KCNJ12: variants seen among roughly 807,000 people sequenced by gnomAD.
The protein encoded by KCNJ12 is potassium inwardly rectifying channel subfamily J member 12, also known as ATP-sensitive inward rectifier potassium channel 12.
Under a neutral mutation model 22.3 loss-of-function variants are expected in KCNJ12, and 2 were observed. The ratio of observed to expected loss-of-function variants is 0.09; its 90% CI spans 0.04 to 0.28. The LOEUF (loss-of-function observed/expected upper bound fraction) is 0.28. KCNJ12 is among the 10% of genes least tolerant of loss of function. The pLI is 1.00. For missense variants in KCNJ12, 155 were observed against 633.3 expected, an observed-to-expected ratio of 0.24 and a Z score of 8.11; for synonymous variants, 117 against 261.4, an observed-to-expected ratio of 0.45 and a Z score of 5.33.
chr17:21,380,671 G>C lies in KCNJ12; in HGVS notation c.-179+3758G>C, dbSNP rs1472439527. On this transcript the variant is annotated intron_variant, in intron 1 of 2. Transcript: ENST00000583088. ...GTGGAGAGGGGGATCTGGGAAGGAG[G>C]GGGTGTGAGCATTTGTGGAGCCAGA... Among the ~76,000 whole-genome samples, 8 of 152,120 alleles carry C rather than the reference G, an allele frequency of 5.3e-5. No homozygotes were observed. In the South Asian group the frequency reaches 1.4e-3, roughly 28 times the overall value.
At chr17:21,397,205 G>A (rs535829698) in intron 1 of KCNJ12, among the ~76,000 whole-genome samples, 2 of 152,306 alleles carry the variant, frequency 1.3e-5, no homozygotes, top group South Asian at 2.1e-4. Context: ...TTCCTCATCC[G>A]TCCAATGGGG....
intron 1 of KCNJ12, among the ~76,000 whole-genome samples, chr17:21,378,596 G>A (rs556149666): frequency 6.6e-6 from 1 of 152,242 alleles, no homozygotes; most frequent in East Asian, 1.9e-4. Flanking sequence ...AGTGTGCTGG[G>A]CCACAGGGAC....
intron 2 of KCNJ12, among the ~76,000 whole-genome samples, chr17:21,412,697 G>A (rs1474649294): frequency 1.3e-5 from 2 of 152,312 alleles, no homozygotes; most frequent in Non-Finnish European, 2.9e-5. Context: ...TTCCGGCCCT[G>A]CGTCCCAGCT....
intron 2 of KCNJ12, 91 bp downstream of exon 2, chr17:21,408,731 A>G (rs2142070889): frequency 6.6e-6 from 1 of 152,014 alleles, no homozygotes; most frequent in Non-Finnish European, 1.5e-5. Context: ...TCCACCCACC[A>G]TGCCATCCTT....
chr17:21,382,929 G>T (rs904453462), intron 1 of KCNJ12, among the ~76,000 whole-genome samples: 4 of 152,238 alleles, frequency 2.6e-5, no homozygotes, highest in Admixed American at 6.5e-5. Flanking sequence ...CACCTCCACT[G>T]TGGGAGCGGG....
intron 1 of KCNJ12, among the ~76,000 whole-genome samples, chr17:21,390,252 C>G (rs552816004): frequency 1.3e-5 from 2 of 152,224 alleles, no homozygotes; most frequent in Non-Finnish European, 2.9e-5. Flanking sequence ...TCAAGGCTCC[C>G]TCCCTCCGCT....
intron 1 of KCNJ12, among the ~76,000 whole-genome samples, chr17:21,395,734 G>A (rs1340834534): frequency 6.6e-6 from 1 of 152,180 alleles, no homozygotes; most frequent in African/African-American, 2.4e-5. Context: ...TTGCCCCCAT[G>A]TTACAGATAG....
In KCNJ12 at chr17:21,385,941, A is replaced by C. The variant is rs530746898; in HGVS notation, c.-179+9028A>C. Among the ~76,000 whole-genome samples the C allele has an allele frequency of 2.6e-5, 4 of 152,352 alleles. No individual in the cohort carries two copies. In the East Asian group the frequency reaches 7.7e-4, roughly 29 times the overall value. On this transcript the variant is annotated intron_variant, in intron 1 of 2. Transcript: ENST00000583088. ...AACACTAGAGAAAGTGGGTTGGGCA[A>C]ACCCACACGCCTACCATTGCATCTG...
intron 1 of KCNJ12, among the ~76,000 whole-genome samples, chr17:21,393,800 C>T (rs921353365): frequency 2.0e-5 from 3 of 152,242 alleles, no homozygotes; most frequent in African/African-American, 7.2e-5. Context: ...AGGCCTTCAC[C>T]GCCCGCCTCC....
chr17:21,404,081 C>T (rs549944383), intron 1 of KCNJ12, among the ~76,000 whole-genome samples: 2 of 152,320 alleles, frequency 1.3e-5, no homozygotes, highest in East Asian at 3.9e-4. Flanking sequence ...CAAGGCTGTG[C>T]CCATCTCTTC....
chr17:21,382,045 A>G (rs1419039305), intron 1 of KCNJ12, among the ~76,000 whole-genome samples: 1 of 152,242 alleles, frequency 6.6e-6, no homozygotes, highest in Non-Finnish European at 1.5e-5. Context: ...GTTGGTGGAC[A>G]GAGCTGGATT....
At chr17:21,394,012 A>C (rs1905271841) in intron 1 of KCNJ12, among the ~76,000 whole-genome samples, 1 of 152,162 alleles carries the variant, frequency 6.6e-6, no homozygotes, top group Non-Finnish European at 1.5e-5. Context: ...TTGGAGTAAT[A>C]AGGGGTTTGG....
Position 21,411,628 on chromosome 17 carries a change from T to C in KCNJ12, c.-57+2988T>C, listed in dbSNP as rs1426830426. ...ATTGCTTTGTGACCTGGGACAAGTC[T>C]CTTTTTCTTTTTGGACTTGGTTCTC... On this transcript the variant is annotated intron_variant, in intron 2 of 2. Coordinates refer to ENST00000583088, the MANE Select transcript of KCNJ12 (RefSeq NM_021012.5). Among the ~76,000 whole-genome samples, 4 of 152,426 alleles carry C rather than the reference T, an allele frequency of 2.6e-5. No homozygotes were observed. In the East Asian group the frequency reaches 7.7e-4, roughly 29 times the overall value.
At chr17:21,413,944 C>A (rs1352409340) in intron 2 of KCNJ12, among the ~76,000 whole-genome samples, 1 of 152,280 alleles carries the variant, frequency 6.6e-6, no homozygotes, top group African/African-American at 2.4e-5. Context: ...CTTAGAGATG[C>A]GGGAAGCAGG....
chr17:21,387,032 T>G lies in KCNJ12; in HGVS notation c.-179+10119T>G, dbSNP rs577097117. Among the ~76,000 whole-genome samples the G allele has an allele frequency of 4.6e-5, 7 of 152,320 alleles. No individual in the cohort carries two copies. In the South Asian group the frequency reaches 1.2e-3, roughly 27 times the overall value. ...TCTCTTTTAAGAAACGTGCTCTCCCTGTAGTCCCAGCTACTCAGGAGGCTG... is the reference window on the plus strand; with the variant it reads ...TCTCTTTTAAGAAACGTGCTCTCCCGGTAGTCCCAGCTACTCAGGAGGCTG... On this transcript the variant is annotated intron_variant, in intron 1 of 2. Coordinates refer to ENST00000583088, the MANE Select transcript of KCNJ12 (RefSeq NM_021012.5).
chr17:21,412,662 G>T (rs1906431452), intron 2 of KCNJ12, among the ~76,000 whole-genome samples: 1 of 152,312 alleles, frequency 6.6e-6, no homozygotes, highest in African/African-American at 2.4e-5. Flanking sequence ...CTACTTCCAG[G>T]CCCAGGCAGA....
Position 21,416,538 on chromosome 17 carries a change from G to C in KCNJ12, c.1196G>C (p.Arg399Pro). The change falls in exon 3 of 3, where the codon CGA (arginine) becomes CCA (proline). Residue 399 changes from arginine (R) to proline (P), a missense_variant. Coordinates refer to ENST00000583088, the MANE Select transcript of KCNJ12 (RefSeq NM_021012.5). ...GAGGCGGACGGAGACCAGGACGGCC[G>C]AAGCCGGGACGGCCTCAGCCCCCAG... ...EDEADGDQDG[R>P]SRDGLSPQAR... 6.2e-7 allele frequency: 1 copy of C among 1,609,458 alleles called. No homozygotes were observed. The highest frequency in any genetic ancestry group is 8.5e-7 in the Non-Finnish European group (1 of 1,177,576).
intron 1 of KCNJ12, among the ~76,000 whole-genome samples, chr17:21,401,768 C>G (rs112109719): frequency 6.6e-5 from 10 of 151,414 alleles, no homozygotes; most frequent in African/African-American, 2.0e-4. Flanking sequence ...CTTAACTTCC[C>G]CCAGGGACCT....
intron 1 of KCNJ12, among the ~76,000 whole-genome samples, chr17:21,378,387 A>C (rs1321426619): frequency 1.3e-5 from 2 of 151,968 alleles, no homozygotes; most frequent in Non-Finnish European, 2.9e-5. Flanking sequence ...CGCCCCCCCC[A>C]ACAAAAGACT....
Sources: allele counts gnomAD v4.1 joint callset (sites outside exome capture counted in the v4.1 genomes callset), GRCh38; gene constraint gnomAD v4.1.1; transcripts MANE v1.5; gene names NCBI Gene and HGNC (gene_info 2026-07-23, HGNC 2026-07-21).